PTPRD: variants seen among roughly 807,000 people sequenced by gnomAD.
PTPRD encodes receptor-type tyrosine-protein phosphatase delta.
A neutral mutation model predicts 214.5 loss-of-function variants in PTPRD; 34 were observed. The observed-to-expected ratio is 0.16, with a 90% confidence interval of 0.12 to 0.21. The LOEUF (loss-of-function observed/expected upper bound fraction) is 0.21. Among genes scored for constraint, PTPRD ranks in the 10% least tolerant of loss-of-function variants. The probability of loss-of-function intolerance (pLI) is 1.00; values close to 1 mark genes in which losing one functional copy is unlikely to be tolerated. For synonymous variants in PTPRD, 1,128 were observed against 845.7 expected, an observed-to-expected ratio of 1.33 and a Z score of -5.79; for missense variants, 2,545 against 2,398.7, an observed-to-expected ratio of 1.06 and a Z score of -1.27.
At chr9:10,331,335 T>C (rs766391393) in intron 3 of PTPRD, among the ~76,000 whole-genome samples, 2 of 151,766 alleles carry the variant, frequency 1.3e-5, no homozygotes, top group Non-Finnish European at 2.9e-5. Flanking sequence ...AGAAGACTAT[T>C]AATAGAAGCT....
intron 10 of PTPRD, among the ~76,000 whole-genome samples, chr9:9,046,680 C>CAT (rs1480419894): frequency 6.6e-6 from 1 of 152,096 alleles, no homozygotes; most frequent in Admixed American, 6.6e-5. Context: ...CTTTGCAAGA[C>CAT]ATGAAATCTC....
intron 39 of PTPRD, among the ~76,000 whole-genome samples, chr9:8,351,498 A>G (rs979342732): frequency 6.6e-6 from 1 of 151,990 alleles, no homozygotes; most frequent in African/African-American, 2.4e-5. Context: ...AATAAATATC[A>G]TAATTACAGT....
At chr9:10,566,107 G>A (rs565886160) in intron 2 of PTPRD, among the ~76,000 whole-genome samples, 332 of 151,830 alleles carry the variant, frequency 2.2e-3, no homozygotes, top group African/African-American at 7.6e-3. Flanking sequence ...TGGGAGTCAC[G>A]GTAATTTGAT....
chr9:9,931,831 G>T (rs528211681), intron 5 of PTPRD, among the ~76,000 whole-genome samples: 52 of 151,168 alleles, frequency 3.4e-4, no homozygotes, highest in Non-Finnish European at 5.3e-4. Context: ...GTCCCTGTCT[G>T]ACAGCTTTGA....
chr9:9,412,536 G>C (rs1168833268), intron 8 of PTPRD, among the ~76,000 whole-genome samples: 2 of 151,958 alleles, frequency 1.3e-5, no homozygotes, highest in African/African-American at 4.8e-5. Context: ...ATTTCCTACA[G>C]TTACTTTCCC....
intron 11 of PTPRD, among the ~76,000 whole-genome samples, chr9:8,999,030 G>T (rs533183778): frequency 2.0e-5 from 3 of 152,204 alleles, no homozygotes; most frequent in South Asian, 4.1e-4. Context: ...TTTTATGCAT[G>T]AGCCAAGAAA....
chr9:8,766,078 T>C (rs992314060), intron 11 of PTPRD, among the ~76,000 whole-genome samples: 2 of 151,628 alleles, frequency 1.3e-5, no homozygotes, highest in Non-Finnish European at 2.9e-5. Context: ...ATTGGTAGTG[T>C]CCATACCAAG....
chr9:8,597,471 T>C (rs78172991), intron 14 of PTPRD, among the ~76,000 whole-genome samples: 4,166 of 152,008 alleles, frequency 0.027, 190 homozygotes, highest in East Asian at 0.1. Flanking sequence ...TACCAATCTT[T>C]GCATTTATAC....
intron 5 of PTPRD, among the ~76,000 whole-genome samples, chr9:9,901,193 G>A (rs1053726337): frequency 6.6e-6 from 1 of 152,040 alleles, no homozygotes; most frequent in African/African-American, 2.4e-5. Flanking sequence ...TATATGTCTC[G>A]GACTAGCCTT....
At chr9:10,379,439 T>A (rs1047726713) in intron 2 of PTPRD, among the ~76,000 whole-genome samples, 1 of 152,004 alleles carries the variant, frequency 6.6e-6, no homozygotes, top group Non-Finnish European at 1.5e-5. Context: ...CCTTGTTGCA[T>A]TCCAGATCTT....
intron 2 of PTPRD, among the ~76,000 whole-genome samples, chr9:10,535,234 T>C (rs984491199): frequency 2.6e-5 from 4 of 152,166 alleles, no homozygotes; most frequent in African/African-American, 7.2e-5. Flanking sequence ...GAATACTGGA[T>C]TTCAGTCAGG....
chr9:8,382,421 TCTC>T (rs2085399379), intron 37 of PTPRD, among the ~76,000 whole-genome samples: 1 of 152,160 alleles, frequency 6.6e-6, no homozygotes, highest in Non-Finnish European at 1.5e-5. Flanking sequence ...CAAAGTTGCA[TCTC>T]CTCCTCCCAT....
At chr9:8,632,091 C>A (rs2154317821) in intron 14 of PTPRD, among the ~76,000 whole-genome samples, 1 of 151,078 alleles carries the variant, frequency 6.6e-6, no homozygotes, top group Non-Finnish European at 1.5e-5. Flanking sequence ...TGTAAATAAT[C>A]TCATTTTCTC....
chr9:10,468,711 T>C (rs1339485009), intron 2 of PTPRD, among the ~76,000 whole-genome samples: 1 of 152,100 alleles, frequency 6.6e-6, no homozygotes, highest in African/African-American at 2.4e-5. Context: ...ACAGAACTCT[T>C]GAGAGGATGT....
chr9:8,713,465 A>C, intron 12 of PTPRD: 1 of 1,115,480 alleles, frequency 9.0e-7, no homozygotes, highest in Non-Finnish European at 1.4e-6. Context: ...TCTCAGTTAA[A>C]GAAAATGAAG....
At chr9:9,646,368 C>A (rs539970012) in intron 7 of PTPRD, among the ~76,000 whole-genome samples, 2 of 149,842 alleles carry the variant, frequency 1.3e-5, no homozygotes, top group Admixed American at 1.3e-4. Context: ...TGTGTATTTG[C>A]CCAGCACAGG....
chr9:8,973,214 CCTT>C (rs1280651057), intron 11 of PTPRD, among the ~76,000 whole-genome samples: 2 of 151,892 alleles, frequency 1.3e-5, no homozygotes, highest in Non-Finnish European at 2.9e-5. Context: ...ACTCCCTCCT[CCTT>C]CTCTCCTCCC....
chr9:9,581,863 A>C (rs1207279374), intron 7 of PTPRD, among the ~76,000 whole-genome samples: 2 of 152,202 alleles, frequency 1.3e-5, no homozygotes, highest in African/African-American at 4.8e-5. Context: ...TTTATTCCAC[A>C]AATATTTACT....
chr9:8,675,910 TC>T (rs1200887963), intron 12 of PTPRD, among the ~76,000 whole-genome samples: 1 of 152,134 alleles, frequency 6.6e-6, no homozygotes, highest in Non-Finnish European at 1.5e-5. Flanking sequence ...CATCATTACT[TC>T]CCTCTGTGAC....
Sources: allele counts gnomAD v4.1 joint callset (sites outside exome capture counted in the v4.1 genomes callset), GRCh38; gene constraint gnomAD v4.1.1; transcripts MANE v1.5; gene names NCBI Gene and HGNC (gene_info 2026-07-23, HGNC 2026-07-21).